Variants in TRPV3 observed in about 807,000 individuals in gnomAD.
The protein encoded by TRPV3 is transient receptor potential cation channel subfamily V member 3, also known as VRL-3.
Under a neutral mutation model 87.1 loss-of-function variants are expected in TRPV3, and 88 were observed. The ratio of observed to expected loss-of-function variants is 1.01; its 90% CI spans 0.85 to 1.21. The LOEUF (loss-of-function observed/expected upper bound fraction) is 1.21. TRPV3 is among the 50% of genes most tolerant of loss of function. The probability of loss-of-function intolerance (pLI) is 0.00; values close to 1 mark genes in which losing one functional copy is unlikely to be tolerated. For synonymous variants in TRPV3, 438 were observed against 423.3 expected, an observed-to-expected ratio of 1.03 and a Z score of -0.43; for missense variants, 1,054 against 1,030.1, an observed-to-expected ratio of 1.02 and a Z score of -0.32.
At chr17:3,524,440 C>G (rs2074276840) in intron 12 of TRPV3, 77 bp from the exon 13 acceptor site, 1 of 1,563,300 alleles carries the variant, frequency 6.4e-7, no homozygotes, top group Non-Finnish European at 8.7e-7. Context: ...TCCCCCAAAC[C>G]TCCCTTAAAC....
Position 3,543,621 on chromosome 17 carries a change from G to C in TRPV3, c.319C>G (p.Leu107Val). ...PSNPNSPSAQLAKEEQRRKKR... is the reference protein window; with the variant it reads ...PSNPNSPSAQVAKEEQRRKKR... Reference sequence around the variant, plus strand: ...TTCCTCCTCTGCTCTTCCTTGGCCAGCTGTGCACTGAAGCCAGAAAATGTT... The same window carrying C: ...TTCCTCCTCTGCTCTTCCTTGGCCACCTGTGCACTGAAGCCAGAAAATGTT... The change falls in exon 5 of 18, where the codon CTG becomes GTG. Residue 107 changes from leucine (L) to valine (V), a missense_variant. Physicochemically the swap from Leu to Val is conservative, Grantham distance 32. Coordinates refer to ENST00000576742, the MANE Select transcript of TRPV3 (RefSeq NM_145068.4). 2 of 1,614,028 alleles carry C rather than the reference G, an allele frequency of 1.2e-6. No homozygotes were observed. The highest frequency in any genetic ancestry group is 1.7e-6 in the Non-Finnish European group (2 of 1,180,010).
chr17:3,513,860 G>T lies in TRPV3; in HGVS notation c.*57C>A. 6.8e-7 allele frequency: 1 copy of T among 1,469,994 alleles called. No individual in the cohort carries two copies. Among genetic ancestry groups the T allele is most frequent in the Non-Finnish European group, 9.5e-7 (1 of 1,052,794 alleles). The allele number at this position is 1,469,994 out of a possible 1,614,324, so 91.1% of individuals were successfully genotyped here. ...CTCAAAGCCTCTCTGCACAGAGTCG[G>T]TGACTCCGCCTGCAGCGCCAGACAG... On this transcript the variant is annotated 3_prime_UTR_variant, in exon 18 of 18. Coordinates refer to ENST00000576742, the MANE Select transcript of TRPV3 (RefSeq NM_145068.4).
At chr17:3,523,566 A>G (rs923444208) in intron 13 of TRPV3, among the ~76,000 whole-genome samples, 1 of 152,108 alleles carries the variant, frequency 6.6e-6, no homozygotes, top group African/African-American at 2.4e-5. Context: ...TAAAAATACA[A>G]AAATTAGCCA....
chr17:3,517,543 C>T (rs1233564372), intron 15 of TRPV3, among the ~76,000 whole-genome samples: 14 of 140,582 alleles, frequency 1.0e-4, no homozygotes, highest in African/African-American at 2.3e-4. Flanking sequence ...CACTTGAGCC[C>T]GGGAGGCAGA....
chr17:3,545,934 G>A (rs537193470), intron 2 of TRPV3, among the ~76,000 whole-genome samples: 1 of 150,012 alleles, frequency 6.7e-6, no homozygotes, highest in East Asian at 2.0e-4. Flanking sequence ...AGGCTGCAGT[G>A]AGCCGAGACC....
intron 11 of TRPV3, chr17:3,527,675 C>T (rs896570924): frequency 2.5e-5 from 8 of 326,108 alleles, no homozygotes; most frequent in African/African-American, 8.9e-5. Context: ...GAAGGATGGT[C>T]GGTAAGGATG....
chr17:3,517,810 C>CTTTTTTTTTTTTTTTTT (rs71153363), intron 15 of TRPV3, among the ~76,000 whole-genome samples: 1 of 113,180 alleles, frequency 8.8e-6, no homozygotes. Context: ...ATGAGCATTT[C>CTTTTTTTTTTTTTTTTT]TTTTTTTTTT....
chr17:3,545,236 G>A lies in TRPV3; in HGVS notation c.155C>T (p.Pro52Leu). 1.2e-6 allele frequency: 2 copies of A among 1,613,968 alleles called. No individual in the cohort carries two copies. Among genetic ancestry groups the A allele is most frequent in the East Asian group, 2.2e-5 (1 of 44,870 alleles). ...AGAGGTCTTGGCAACTGTGGGGTTGGGTTCAAACCCTTCTATCTCCAGGAA... is the reference window on the plus strand; with the variant it reads ...AGAGGTCTTGGCAACTGTGGGGTTGAGTTCAAACCCTTCTATCTCCAGGAA... ...HFFLEIEGFE[P>L]NPTVAKTSPP... The change falls in exon 3 of 18, where the codon CCC becomes CTC. Residue 52 changes from proline (P) to leucine (L), a missense_variant. Coordinates refer to ENST00000576742, the MANE Select transcript of TRPV3 (RefSeq NM_145068.4).
intron 6 of TRPV3, among the ~76,000 whole-genome samples, chr17:3,540,060 A>AAAAT (rs369472913): frequency 0.011 from 1,569 of 145,614 alleles, 13 homozygotes; most frequent in African/African-American, 0.019. Flanking sequence ...TCCATCTCAA[A>AAAAT]AAATAAATAA....
At position 3,513,160 on chromosome 17, in the gene TRPV3, C is replaced by G. The variant is rs2150775396; in HGVS notation, c.*757G>C. The G allele has an allele frequency of 6.5e-6, 1 of 152,794 alleles. No homozygotes were observed. Among genetic ancestry groups the G allele is most frequent in the South Asian group, 2.1e-4 (1 of 4,826 alleles). 9.5% of individuals were successfully genotyped at this position (152,794 alleles called of 1,614,324 possible). On this transcript the variant is annotated 3_prime_UTR_variant, in exon 18 of 18. Coordinates refer to ENST00000576742, the MANE Select transcript of TRPV3 (RefSeq NM_145068.4). ...TACTTACATCCAGCCCCAAAGCCCC[C>G]AGTCTGTCTCCACTTTTAAAATCAC...
rs376335754 is a variant in TRPV3, at chr17:3,518,646, A to G, written c.2015T>C (p.Met672Thr). ...VILTFVLLLN[M>T]LIALMGETVE... ...AGTCTCGCCCATCAGAGCAATGAGC[A>G]TGTTGAGGAGGAGAACAAAGGTGAG... Residue 672 changes from methionine to threonine, a missense_variant, in exon 15 of 18, where the codon ATG becomes ACG. Met to Thr is a moderately conservative substitution (Grantham distance 81). Coordinates refer to ENST00000576742, the MANE Select transcript of TRPV3 (RefSeq NM_145068.4). This position sits in a 1 kb window ranked among gnomAD's most constrained non-coding sequence, Gnocchi z 4.3. 1.9e-6 allele frequency: 3 copies of G among 1,595,928 alleles called. No homozygotes were observed. Among genetic ancestry groups the G allele is most frequent in the Non-Finnish European group, 2.6e-6 (3 of 1,170,954 alleles).
At chr17:3,522,162 A>G (rs1054247199) in intron 13 of TRPV3, among the ~76,000 whole-genome samples, 1 of 152,164 alleles carries the variant, frequency 6.6e-6, no homozygotes, top group African/African-American at 2.4e-5. Flanking sequence ...ATTTCACTAT[A>G]TTTACAATTG....
intron 5 of TRPV3, 43 bp from the exon 6 acceptor site, chr17:3,542,741 TG>T: frequency 6.3e-7 from 1 of 1,592,532 alleles, no homozygotes; most frequent in Non-Finnish European, 8.6e-7. Flanking sequence ...GGGCCCCGGC[TG>T]CCCTTGGCCC....
chr17:3,519,342 G>T (rs1018988304), intron 14 of TRPV3, among the ~76,000 whole-genome samples: 1 of 151,290 alleles, frequency 6.6e-6, no homozygotes, highest in African/African-American at 2.4e-5. Flanking sequence ...ATGGATGGAT[G>T]GATGGATGGA....
intron 3 of TRPV3, among the ~76,000 whole-genome samples, chr17:3,544,905 T>G (rs1405031799): frequency 5.9e-5 from 9 of 152,054 alleles, no homozygotes; most frequent in African/African-American, 2.2e-4. Context: ...TCCCAGCTAC[T>G]TGGGAGGCTG....
intron 2 of TRPV3, chr17:3,552,798 C>G (rs946210201): frequency 2.6e-5 from 4 of 152,262 alleles, no homozygotes; most frequent in African/African-American, 7.2e-5. Flanking sequence ...AGGTCCAAAC[C>G]TCCCCTGGAC....
At chr17:3,549,836 T>C (rs2074557307) in intron 2 of TRPV3, among the ~76,000 whole-genome samples, 1 of 150,122 alleles carries the variant, frequency 6.7e-6, no homozygotes, top group African/African-American at 2.5e-5. Context: ...GATGGATGAA[T>C]AGATGATTGA....
In TRPV3 at chr17:3,528,724, C is replaced by G. The variant is rs1348469012; in HGVS notation, c.1401+113G>C. 1 of 1,298,968 alleles carries G rather than the reference C, an allele frequency of 7.7e-7. No homozygotes were observed. The highest frequency in any genetic ancestry group is 2.4e-5 in the East Asian group (1 of 41,712). The allele number at this position is 1,298,968 out of a possible 1,614,324, so 80.5% of individuals were successfully genotyped here. On this transcript the variant is annotated intron_variant, in intron 10 of 17. Coordinates refer to ENST00000576742, the MANE Select transcript of TRPV3 (RefSeq NM_145068.4). The surrounding 1 kb of genome is among the most constrained non-coding windows in gnomAD (Gnocchi z 4.2). ...AAGCGTGAAGGACAACTGGGGGACC[C>G]CGCCCAATCTCCTGGTCTCTCTGGG...
At position 3,557,502 on chromosome 17, in the gene TRPV3, G is replaced by T. The variant is rs2150811991; in HGVS notation, c.-3+174C>A. Among the ~76,000 whole-genome samples the T allele has an allele frequency of 6.6e-6, 1 of 152,310 alleles. No individual in the cohort carries two copies. The highest frequency in any genetic ancestry group is 1.9e-4 in the East Asian group (1 of 5,182). ...CCTACAGCCAAGAGTGCAGCCAAGAGTGCCTCCCTACAGCCAAGAGTGGGC... is the reference window on the plus strand; with the variant it reads ...CCTACAGCCAAGAGTGCAGCCAAGATTGCCTCCCTACAGCCAAGAGTGGGC... On this transcript the variant is annotated intron_variant, in intron 1 of 17. Coordinates refer to ENST00000576742, the MANE Select transcript of TRPV3 (RefSeq NM_145068.4). This position sits in a 1 kb window ranked among gnomAD's most constrained non-coding sequence, Gnocchi z 4.5.
Sources: allele counts gnomAD v4.1 joint callset (sites outside exome capture counted in the v4.1 genomes callset), GRCh38; gene constraint gnomAD v4.1.1; non-coding constraint Gnocchi (gnomAD v3.1); transcripts MANE v1.5; gene names NCBI Gene and HGNC (gene_info 2026-07-23, HGNC 2026-07-21).